Variants in ADIPOR2 observed in about 807,000 individuals in gnomAD.
ADIPOR2 encodes the protein adiponectin receptor 2.
ADIPOR2 carries 18 observed loss-of-function variants against 40.9 expected under a neutral mutation model. The ratio of observed to expected loss-of-function variants is 0.44; its 90% confidence interval spans 0.30 to 0.65. The LOEUF (loss-of-function observed/expected upper bound fraction) is 0.65. Among genes scored for constraint, ADIPOR2 ranks in the 30% least tolerant of loss-of-function variants. The pLI is 0.09. For synonymous variants in ADIPOR2, 165 were observed against 166.4 expected (o/e 0.99, Z 0.06); for missense variants, 283 against 479.2 (o/e 0.59, Z 3.82).
intron 1 of ADIPOR2, among the ~76,000 whole-genome samples, chr12:1,719,829 CA>C (rs2094694420): frequency 6.6e-6 from 1 of 152,086 alleles, no homozygotes; most frequent in Middle Eastern, 3.2e-3. Context: ...TATGTACCAC[CA>C]TGCCCAGCTA....
intron 1 of ADIPOR2, among the ~76,000 whole-genome samples, chr12:1,748,901 T>G (rs952187875): frequency 6.6e-6 from 1 of 151,640 alleles, no homozygotes; most frequent in Non-Finnish European, 1.5e-5. Flanking sequence ...TATCTCCGGG[T>G]CATTGGTGTC....
intron 1 of ADIPOR2, among the ~76,000 whole-genome samples, chr12:1,733,955 T>C (rs937736726): frequency 7.2e-5 from 11 of 152,232 alleles, no homozygotes; most frequent in African/African-American, 2.7e-4. Context: ...TTTTTATGGC[T>C]GCATAGTATT....
intron 1 of ADIPOR2, among the ~76,000 whole-genome samples, chr12:1,748,466 T>G (rs1196340110): frequency 6.6e-6 from 1 of 152,056 alleles, no homozygotes; most frequent in South Asian, 2.1e-4. Context: ...GCCAGGATGG[T>G]CTCAATCTCC....
intron 1 of ADIPOR2, among the ~76,000 whole-genome samples, chr12:1,702,206 T>G (rs891251385): frequency 6.6e-6 from 1 of 152,178 alleles, no homozygotes; most frequent in African/African-American, 2.4e-5. Flanking sequence ...TAGAAAAATA[T>G]CAGGTTGTAT....
intron 1 of ADIPOR2, among the ~76,000 whole-genome samples, chr12:1,748,379 G>C (rs1232984347): frequency 6.6e-6 from 1 of 152,078 alleles, no homozygotes; most frequent in African/African-American, 2.4e-5. Context: ...CTCCCGAGTA[G>C]CTGGAACTAC....
intron 1 of ADIPOR2, among the ~76,000 whole-genome samples, chr12:1,752,110 T>A (rs1294169730): frequency 6.6e-6 from 1 of 151,526 alleles, no homozygotes; most frequent in African/African-American, 2.4e-5. Flanking sequence ...ATTTTTTGTA[T>A]TTTTAGTAGA....
chr12:1,748,539 T>TGC (rs2094761960), intron 1 of ADIPOR2, among the ~76,000 whole-genome samples: 1 of 152,116 alleles, frequency 6.6e-6, no homozygotes, highest in Non-Finnish European at 1.5e-5. Context: ...TGAGCCACCG[T>TGC]GCCTGGCCTG....
chr12:1,754,699 T>TTATTACTACTAC lies in ADIPOR2; in HGVS notation c.171+187_171+188insTTACTACTACTA, dbSNP rs767695374. ...AAGTCTCTTATCTTTATTATTATTA[T>TTATTACTACTAC]TACTACTACTACTACTACTACTACT... On this transcript the variant is annotated intron_variant, in intron 2 of 7. Transcript: ENST00000357103. 6.8e-5 allele frequency among the ~76,000 whole-genome samples: 7 copies of TTATTACTACTAC among 103,610 alleles called. No individual in the cohort carries two copies. In the East Asian group the frequency reaches 9.0e-4, roughly 13 times the overall value. The allele number at this position is 103,610 out of a possible 152,430, so 68.0% of individuals were successfully genotyped here.
At chr12:1,785,019 A>G (rs1321683492) in intron 7 of ADIPOR2, among the ~76,000 whole-genome samples, 1 of 152,168 alleles carries the variant, frequency 6.6e-6, no homozygotes, top group Non-Finnish European at 1.5e-5. Flanking sequence ...TAACATTGGT[A>G]TGGAGGGGTT....
At chr12:1,767,573 A>G (rs984795145) in intron 2 of ADIPOR2, among the ~76,000 whole-genome samples, 1 of 152,152 alleles carries the variant, frequency 6.6e-6, no homozygotes, top group East Asian at 1.9e-4. Flanking sequence ...CTTGCTACAC[A>G]TTTCCAATTT....
chr12:1,743,415 C>A (rs904542073), intron 1 of ADIPOR2, among the ~76,000 whole-genome samples: 1 of 151,790 alleles, frequency 6.6e-6, no homozygotes, highest in Non-Finnish European at 1.5e-5. Flanking sequence ...TTAGCTCATG[C>A]CTGTAAGCAC....
intron 1 of ADIPOR2, among the ~76,000 whole-genome samples, chr12:1,702,589 T>C (rs1228846862): frequency 6.6e-6 from 1 of 151,578 alleles, no homozygotes; most frequent in East Asian, 2.0e-4. Flanking sequence ...AGTGTTTGTT[T>C]CTTGAATTGG....
chr12:1,692,520 C>G (rs1303603810), intron 1 of ADIPOR2, among the ~76,000 whole-genome samples: 1 of 152,184 alleles, frequency 6.6e-6, no homozygotes, highest in African/African-American at 2.4e-5. Context: ...CTTTTAACTT[C>G]TGATTGTAAC....
At chr12:1,740,791 C>T (rs980192609) in intron 1 of ADIPOR2, among the ~76,000 whole-genome samples, 6 of 152,114 alleles carry the variant, frequency 3.9e-5, no homozygotes, top group African/African-American at 1.4e-4. Flanking sequence ...AGATTTGACA[C>T]TTAAGAGGCT....
chr12:1,741,294 G>A (rs2094742348), intron 1 of ADIPOR2, among the ~76,000 whole-genome samples: 1 of 152,008 alleles, frequency 6.6e-6, no homozygotes, highest in African/African-American at 2.4e-5. Flanking sequence ...GCCTGTTAGG[G>A]GATTATCAAA....
intron 2 of ADIPOR2, 131 bp downstream of exon 2, chr12:1,754,645 A>G (rs1592613423): frequency 1.2e-6 from 1 of 865,422 alleles, no homozygotes; most frequent in Non-Finnish European, 1.7e-6. Flanking sequence ...AAACTTGCAC[A>G]TTTGTATTTT....
chr12:1,717,965 TTTATA>T (rs1163233755), intron 1 of ADIPOR2, among the ~76,000 whole-genome samples: 1 of 152,168 alleles, frequency 6.6e-6, no homozygotes, highest in Non-Finnish European at 1.5e-5. Flanking sequence ...AAACTGTGAC[TTTATA>T]TTATAGTTTC....
intron 2 of ADIPOR2, among the ~76,000 whole-genome samples, chr12:1,755,870 T>TA (rs1265041457): frequency 6.6e-6 from 1 of 152,194 alleles, no homozygotes; most frequent in Non-Finnish European, 1.5e-5. Flanking sequence ...TAGTAAGTAA[T>TA]ACACATTTAA....
intron 1 of ADIPOR2, among the ~76,000 whole-genome samples, chr12:1,715,240 C>T (rs1315545294): frequency 3.3e-5 from 5 of 152,024 alleles, no homozygotes; most frequent in East Asian, 1.9e-4. Context: ...TATTTCACTC[C>T]GTTTGTCTTC....
Sources: allele counts gnomAD v4.1 joint callset (sites outside exome capture counted in the v4.1 genomes callset), GRCh38; gene constraint gnomAD v4.1.1; transcripts MANE v1.5; gene names NCBI Gene and HGNC (gene_info 2026-07-23, HGNC 2026-07-21).